The following STARD13 variants were observed in gnomAD, a reference collection of about 807,000 sequenced individuals.
STARD13 encodes stAR-related lipid transfer protein 13.
STARD13 carries 62 observed loss-of-function variants against 106.4 expected under a neutral mutation model. That is an observed-to-expected ratio of 0.58 (90% CI 0.48 to 0.72). The LOEUF is 0.72. Among genes scored for constraint, STARD13 ranks in the 30% least tolerant of loss-of-function variants. STARD13 has a pLI of 0.00. For synonymous variants in STARD13, 565 were observed against 553.0 expected, an observed-to-expected ratio of 1.02 and a Z score of -0.31; for missense variants, 1,387 against 1,424.0, an observed-to-expected ratio of 0.97 and a Z score of 0.42.
At chr13:33,529,437 C>T in the STARD13 span, among the ~76,000 whole-genome samples, 1 of 152,156 alleles carries the variant, frequency 6.6e-6, no homozygotes, top group Admixed American at 6.6e-5. Context: ...AATGGTGTTA[C>T]AACGAAGTAT....
intron 1 of STARD13, among the ~76,000 whole-genome samples, chr13:33,257,384 G>T (rs1333097323): frequency 6.6e-6 from 1 of 152,198 alleles, no homozygotes; most frequent in Non-Finnish European, 1.5e-5. Context: ...AACTTTGCAA[G>T]ACTTTTTCTC....
chr13:33,429,933 G>GA, the STARD13 span, among the ~76,000 whole-genome samples: 1 of 148,484 alleles, frequency 6.7e-6, no homozygotes, highest in Non-Finnish European at 1.5e-5. Context: ...TTTTTGGGGG[G>GA]GGGGGACGGA....
the STARD13 span, among the ~76,000 whole-genome samples, chr13:33,567,113 T>C: frequency 6.7e-6 from 1 of 148,370 alleles, no homozygotes; most frequent in African/African-American, 2.5e-5. Flanking sequence ...TAAATATGTA[T>C]TGCTGAAGCA....
chr13:33,236,838 T>G (rs73465053), intron 1 of STARD13, among the ~76,000 whole-genome samples: 2,295 of 152,332 alleles, frequency 0.015, 51 homozygotes, highest in African/African-American at 0.049. Context: ...ACTGAATGTA[T>G]TACTTTTAGA....
the STARD13 span, among the ~76,000 whole-genome samples, chr13:33,594,629 T>C: frequency 2.6e-5 from 4 of 152,208 alleles, no homozygotes; most frequent in Admixed American, 1.3e-4. Context: ...CCAGAACTTT[T>C]TACCTTCTCA....
At chr13:33,430,195 G>A in the STARD13 span, among the ~76,000 whole-genome samples, 1 of 152,222 alleles carries the variant, frequency 6.6e-6, no homozygotes, top group Admixed American at 6.5e-5. Flanking sequence ...GGGATTACAG[G>A]CGTGAGCCAC....
intron 1 of STARD13, among the ~76,000 whole-genome samples, chr13:33,241,001 T>C (rs1179467976): frequency 2.6e-5 from 4 of 152,244 alleles, no homozygotes; most frequent in Non-Finnish European, 2.9e-5. Context: ...TAAGATCATG[T>C]CATCTGCAAA....
At chr13:33,661,814 A>T in the STARD13 span, among the ~76,000 whole-genome samples, 13 of 152,036 alleles carry the variant, frequency 8.6e-5, no homozygotes, top group Admixed American at 8.5e-4. Flanking sequence ...GAGCCAACCC[A>T]TATCAACTGG....
chr13:33,564,807 C>A, the STARD13 span, among the ~76,000 whole-genome samples: 1 of 146,126 alleles, frequency 6.8e-6, no homozygotes, highest in East Asian at 2.0e-4. Context: ...TCCTGGCTAA[C>A]ACGGTGAAAC....
At chr13:33,483,116 C>T in the STARD13 span, among the ~76,000 whole-genome samples, 1 of 152,262 alleles carries the variant, frequency 6.6e-6, no homozygotes, top group East Asian at 1.9e-4. Flanking sequence ...TTAAGGTTGC[C>T]AAATCCTTGG....
chr13:33,419,290 A>T, the STARD13 span, among the ~76,000 whole-genome samples: 2 of 152,336 alleles, frequency 1.3e-5, no homozygotes, highest in East Asian at 3.9e-4. Context: ...ATGGAGCTGA[A>T]AACCATGGCA....
intron 7 of STARD13, among the ~76,000 whole-genome samples, chr13:33,119,275 C>T (rs567205610): frequency 9.9e-5 from 15 of 152,244 alleles, no homozygotes; most frequent in African/African-American, 3.1e-4. Flanking sequence ...AGTTGATTTG[C>T]TTCAACCCTC....
the STARD13 span, among the ~76,000 whole-genome samples, chr13:33,451,748 A>G: frequency 2.6e-5 from 4 of 152,170 alleles, no homozygotes; most frequent in Non-Finnish European, 4.4e-5. Flanking sequence ...AAAGGCAAAA[A>G]TCTTGGCATG....
chr13:33,288,170 TG>T (rs765972011), upstream of STARD13, among the ~76,000 whole-genome samples: 12 of 152,142 alleles, frequency 7.9e-5, no homozygotes, highest in Non-Finnish European at 1.5e-4. Context: ...TTGAAAGTGC[TG>T]GGGTGTCTGG....
At chr13:33,523,194 A>C in the STARD13 span, among the ~76,000 whole-genome samples, 1 of 152,052 alleles carries the variant, frequency 6.6e-6, no homozygotes, top group Non-Finnish European at 1.5e-5. Flanking sequence ...GAGGAGGAAG[A>C]AATTGGGTAT....
At chr13:33,420,933 C>T in the STARD13 span, among the ~76,000 whole-genome samples, 1 of 152,184 alleles carries the variant, frequency 6.6e-6, no homozygotes, top group Admixed American at 6.5e-5. Context: ...CATACCAGAT[C>T]TCTGGGACAC....
At chr13:33,331,786 C>T (rs1038058377) in intron 1 of STARD13, among the ~76,000 whole-genome samples, 5 of 152,064 alleles carry the variant, frequency 3.3e-5, no homozygotes, top group Non-Finnish European at 7.4e-5. Flanking sequence ...ACATGATGTT[C>T]ACTCAATAAA....
At chr13:33,534,191 A>G in the STARD13 span, among the ~76,000 whole-genome samples, 1 of 152,208 alleles carries the variant, frequency 6.6e-6, no homozygotes, top group Non-Finnish European at 1.5e-5. Flanking sequence ...CAGATTTCTC[A>G]TCAATAGAAT....
At chr13:33,310,795 C>T (rs1486178182) in intron 1 of STARD13, among the ~76,000 whole-genome samples, 1 of 152,012 alleles carries the variant, frequency 6.6e-6, no homozygotes, top group Non-Finnish European at 1.5e-5. Context: ...TAGGCAATTT[C>T]ATCATTGTGC....
Sources: gnomAD v4.1 joint callset for allele counts (sites outside exome capture counted in the v4.1 genomes callset) on GRCh38, gnomAD v4.1.1 for gene constraint, MANE v1.5 for transcripts, NCBI Gene and HGNC (gene_info 2026-07-23, HGNC 2026-07-21) for gene names.